The following PDE1C variants were observed in gnomAD, a reference collection of about 807,000 sequenced individuals.
The protein encoded by PDE1C is phosphodiesterase 1C, also known as dual specificity calcium/calmodulin-dependent 3',5'-cyclic nucleotide phosphodiesterase 1C.
Under a neutral mutation model 93.1 loss-of-function variants are expected in PDE1C, and 62 were observed. The ratio of observed to expected loss-of-function variants is 0.67; its 90% confidence interval spans 0.54 to 0.82. The LOEUF is 0.82. Ranked by LOEUF, PDE1C falls within the 40% of genes least tolerant of loss-of-function variation. PDE1C has a pLI of 0.00. For synonymous variants in PDE1C, 325 were observed against 310.1 expected (o/e 1.05, Z -0.50); for missense variants, 742 against 884.6 (o/e 0.84, Z 2.04).
chr7:31,862,894 T>A (rs1441959597), intron 7 of PDE1C, among the ~76,000 whole-genome samples: 1 of 152,224 alleles, frequency 6.6e-6, no homozygotes, highest in African/African-American at 2.4e-5. Context: ...GTATGTATTG[T>A]AATATCTAAG....
chr7:32,238,470 A>G (rs939630350), intron 1 of PDE1C, among the ~76,000 whole-genome samples: 4 of 152,274 alleles, frequency 2.6e-5, no homozygotes, highest in Non-Finnish European at 5.9e-5. Flanking sequence ...TGCTTGACAT[A>G]TAATAAGTGA....
chr7:31,718,239 TCTGGCAA>T, the PDE1C span, among the ~76,000 whole-genome samples: 8 of 152,016 alleles, frequency 5.3e-5, no homozygotes, highest in Admixed American at 3.9e-4. Flanking sequence ...TTCTGGAACC[TCTGGCAA>T]CAGGCAGAGG....
chr7:32,312,094 A>T (rs1483721630), intron 1 of PDE1C, among the ~76,000 whole-genome samples: 3 of 151,824 alleles, frequency 2.0e-5, no homozygotes, highest in Non-Finnish European at 4.4e-5. Flanking sequence ...AATCACAAGC[A>T]TTCTTATACA....
At chr7:32,248,415 C>T (rs1809123911) in intron 1 of PDE1C, among the ~76,000 whole-genome samples, 1 of 152,160 alleles carries the variant, frequency 6.6e-6, no homozygotes, top group Admixed American at 6.5e-5. Context: ...TATAACCTAA[C>T]AGGGGACTCA....
intron 2 of PDE1C, among the ~76,000 whole-genome samples, chr7:31,995,286 T>C (rs984359675): frequency 6.6e-6 from 1 of 152,166 alleles, no homozygotes; most frequent in African/African-American, 2.4e-5. Context: ...GCAGCCCCTC[T>C]TGGTCAGAGG....
chr7:31,655,964 T>C, the PDE1C span: 1 of 985,452 alleles, frequency 1.0e-6, no homozygotes, highest in Non-Finnish European at 1.2e-6. Context: ...GAATCTCCAA[T>C]TCTATTCCCC....
At chr7:32,161,382 C>A (rs985987885) in intron 3 of PDE1C, among the ~76,000 whole-genome samples, 13 of 152,202 alleles carry the variant, frequency 8.5e-5, no homozygotes, top group Non-Finnish European at 1.6e-4. Flanking sequence ...CTCCTCTACT[C>A]TACTGCTCCC....
chr7:31,964,318 C>A (rs992231989), intron 2 of PDE1C, among the ~76,000 whole-genome samples: 3 of 152,244 alleles, frequency 2.0e-5, no homozygotes, highest in African/African-American at 4.8e-5. Context: ...TACCCCACAC[C>A]TGGCTTGGAG....
intron 3 of PDE1C, among the ~76,000 whole-genome samples, chr7:32,153,360 G>A (rs949135389): frequency 1.3e-5 from 2 of 152,118 alleles, no homozygotes; most frequent in African/African-American, 4.8e-5. Flanking sequence ...TGAAGAGAAG[G>A]GAGCAAAATC....
chr7:32,147,252 A>AAAGAAAAAGAAAGAAGG (rs773700796), intron 3 of PDE1C, among the ~76,000 whole-genome samples: 26 of 80,440 alleles, frequency 3.2e-4, no homozygotes, highest in African/African-American at 1.4e-3. Context: ...AGAAAGAAAG[A>AAAGAAAAAGAAAGAAGG]AAAGAAAGAA....
intron 2 of PDE1C, among the ~76,000 whole-genome samples, chr7:31,884,083 G>A (rs1019338397): frequency 3.7e-4 from 57 of 152,310 alleles, no homozygotes; most frequent in African/African-American, 1.3e-3. Context: ...TCCAGCTTAT[G>A]AGATGAGCAG....
chr7:32,370,693 C>G (rs1281907690), intron 1 of PDE1C, among the ~76,000 whole-genome samples: 2 of 151,796 alleles, frequency 1.3e-5, no homozygotes, highest in East Asian at 1.9e-4. Flanking sequence ...TGTAAATGAC[C>G]AGTTAATGGG....
intron 1 of PDE1C, among the ~76,000 whole-genome samples, chr7:32,332,880 G>T (rs529943598): frequency 6.6e-6 from 1 of 152,216 alleles, no homozygotes; most frequent in South Asian, 2.1e-4. Context: ...CTTTTAGGGA[G>T]GACCATGGTG....
the PDE1C span, among the ~76,000 whole-genome samples, chr7:31,685,452 G>A: frequency 4.3e-4 from 66 of 152,236 alleles, 1 homozygote; most frequent in East Asian, 0.011. Flanking sequence ...CCCTCACAAC[G>A]ACATGTAGAT....
At chr7:31,709,091 C>T in the PDE1C span, among the ~76,000 whole-genome samples, 17 of 152,318 alleles carry the variant, frequency 1.1e-4, no homozygotes, top group East Asian at 3.9e-4. Flanking sequence ...TCAGAAAACA[C>T]AGTCTCACTT....
intron 11 of PDE1C, among the ~76,000 whole-genome samples, chr7:31,829,977 A>G (rs1264454198): frequency 6.6e-6 from 1 of 151,982 alleles, no homozygotes; most frequent in Non-Finnish European, 1.5e-5. Context: ...GGGTGTGAAC[A>G]CTCTCCATGA....
At chr7:31,719,383 A>G in the PDE1C span, among the ~76,000 whole-genome samples, 1 of 152,180 alleles carries the variant, frequency 6.6e-6, no homozygotes, top group Non-Finnish European at 1.5e-5. Flanking sequence ...AGGGGCTGCT[A>G]TAATCCTGAG....
intron 2 of PDE1C, among the ~76,000 whole-genome samples, chr7:31,912,040 T>C (rs1017761912): frequency 1.3e-5 from 2 of 152,178 alleles, no homozygotes; most frequent in African/African-American, 4.8e-5. Context: ...GTTAATTTTT[T>C]AAATCATAAG....
intron 2 of PDE1C, among the ~76,000 whole-genome samples, chr7:31,890,654 A>G (rs1239526903): frequency 2.0e-5 from 3 of 152,256 alleles, no homozygotes; most frequent in Non-Finnish European, 4.4e-5. Context: ...AAGTTTTGGT[A>G]AGATAAACCT....
Sources: allele counts gnomAD v4.1 joint callset (sites outside exome capture counted in the v4.1 genomes callset), GRCh38; gene constraint gnomAD v4.1.1; transcripts MANE v1.5; gene names NCBI Gene and HGNC (gene_info 2026-07-23, HGNC 2026-07-21).